SUPT3H: variants seen among roughly 807,000 people sequenced by gnomAD.
SUPT3H encodes SPT3 homolog, SAGA and STAGA complex component.
In SUPT3H, 44 loss-of-function variants were observed where a neutral mutation model predicts 44.3. The observed-to-expected ratio is 0.99, with a 90% CI of 0.78 to 1.28. The LOEUF (loss-of-function observed/expected upper bound fraction) is 1.28, where lower values mean the gene tolerates loss of function less well. SUPT3H is among the 50% of genes most tolerant of loss of function. The probability of loss-of-function intolerance (pLI) is 0.00; values close to 1 mark genes in which losing one functional copy is unlikely to be tolerated. For synonymous variants in SUPT3H, 124 were observed against 125.6 expected (o/e 0.99, Z 0.09); for missense variants, 380 against 387.1 (o/e 0.98, Z 0.15).
chr6:44,978,569 A>G (rs1296081967), intron 6 of SUPT3H, among the ~76,000 whole-genome samples: 1 of 152,228 alleles, frequency 6.6e-6, no homozygotes, highest in Non-Finnish European at 1.5e-5. Flanking sequence ...TAGATTTGCT[A>G]AACAATGAGA....
intron 2 of SUPT3H, among the ~76,000 whole-genome samples, chr6:45,280,131 C>T (rs1041521162): frequency 4.6e-5 from 7 of 152,108 alleles, no homozygotes; most frequent in African/African-American, 1.2e-4. Context: ...ATGTCTAACA[C>T]GGGAAGCCAA....
chr6:45,043,142 T>TACAGAC (rs1554218895), intron 3 of SUPT3H, among the ~76,000 whole-genome samples: 1 of 146,768 alleles, frequency 6.8e-6, no homozygotes, highest in Non-Finnish European at 1.5e-5. Context: ...CATACACACA[T>TACAGAC]ACACACACAC....
chr6:45,030,396 T>G (rs1207906669), intron 3 of SUPT3H, among the ~76,000 whole-genome samples: 1 of 152,206 alleles, frequency 6.6e-6, no homozygotes, highest in Admixed American at 6.5e-5. Flanking sequence ...CCATATTCCC[T>G]TCTGTTCACA....
At chr6:45,158,323 G>A (rs1808353189) in intron 2 of SUPT3H, among the ~76,000 whole-genome samples, 1 of 91,558 alleles carries the variant, frequency 1.1e-5, no homozygotes. Flanking sequence ...TTTTTGAGAT[G>A]GAGTCTCACT....
At chr6:45,077,340 T>C (rs1345103969) in intron 3 of SUPT3H, among the ~76,000 whole-genome samples, 1 of 152,054 alleles carries the variant, frequency 6.6e-6, no homozygotes, top group Non-Finnish European at 1.5e-5. Flanking sequence ...TAAGAAATGT[T>C]CATAGGCTGG....
In SUPT3H at chr6:45,360,887, C is replaced by T. The variant is rs58036092; in HGVS notation, c.101+4314G>A. Among the ~76,000 whole-genome samples the T allele has an allele frequency of 7.5e-3, 1,140 of 152,232 alleles. 21 individuals carry two copies. The highest frequency in any genetic ancestry group is 0.026 in the African/African-American group (1,083 of 41,538). On this transcript the variant is annotated intron_variant, in intron 2 of 10. Transcript: ENST00000371459. ...TGTACTACCATGGAATTTTTCGCATCCTATTGCATTACAAATATTTGTCTC... is the reference window on the plus strand; with the variant it reads ...TGTACTACCATGGAATTTTTCGCATTCTATTGCATTACAAATATTTGTCTC...
At chr6:45,333,107 T>C (rs1160339821) in intron 2 of SUPT3H, among the ~76,000 whole-genome samples, 1 of 151,728 alleles carries the variant, frequency 6.6e-6, no homozygotes, top group African/African-American at 2.4e-5. Flanking sequence ...ATCTGAGATG[T>C]TAGTATCTTA....
At chr6:45,350,711 C>T (rs1253336270) in intron 2 of SUPT3H, among the ~76,000 whole-genome samples, 2 of 152,110 alleles carry the variant, frequency 1.3e-5, no homozygotes, top group Non-Finnish European at 2.9e-5. Context: ...GCTTATAAAA[C>T]ACATGAAAAC....
At position 45,217,337 on chromosome 6, in the gene SUPT3H, T is replaced by A. The variant is rs549304445; in HGVS notation, c.102-111331A>T. Among the ~76,000 whole-genome samples the A allele has an allele frequency of 1.8e-3, 280 of 151,938 alleles. 1 individual carries two copies. The highest frequency in any genetic ancestry group is 6.3e-3 in the African/African-American group (259 of 41,426). ...TAAAACTACAAAAGTTAGCCAGGTG[T>A]AGCGGTGCGCGTCTGTAATCCCAGC... is the stretch of plus-strand genomic sequence containing the variant. On this transcript the variant is annotated intron_variant, in intron 2 of 10. Transcript: ENST00000371459.
At chr6:44,927,229 C>T (rs112451982) in intron 10 of SUPT3H, among the ~76,000 whole-genome samples, 67 of 152,082 alleles carry the variant, frequency 4.4e-4, no homozygotes, top group African/African-American at 1.6e-3. Context: ...AGAATAATCT[C>T]AATTTTGCTA....
chr6:44,995,902 G>T (rs1781202699), intron 6 of SUPT3H, among the ~76,000 whole-genome samples: 2 of 151,880 alleles, frequency 1.3e-5, no homozygotes, highest in Admixed American at 1.3e-4. Flanking sequence ...ATCCTCCACT[G>T]TCAGCCACTA....
intron 2 of SUPT3H, among the ~76,000 whole-genome samples, chr6:45,132,202 T>C (rs1803576071): frequency 6.6e-6 from 1 of 152,180 alleles, no homozygotes; most frequent in Non-Finnish European, 1.5e-5. Context: ...GCACTGGCAA[T>C]TCCAGAATTC....
At chr6:45,057,096 G>T (rs949415981) in intron 3 of SUPT3H, among the ~76,000 whole-genome samples, 1 of 151,918 alleles carries the variant, frequency 6.6e-6, no homozygotes, top group Non-Finnish European at 1.5e-5. Flanking sequence ...AAAACGTAAA[G>T]AATATATTAA....
At chr6:45,103,166 C>G (rs1279448923) in intron 3 of SUPT3H, among the ~76,000 whole-genome samples, 1 of 152,056 alleles carries the variant, frequency 6.6e-6, no homozygotes, top group African/African-American at 2.4e-5. Flanking sequence ...CTGACATATG[C>G]CTGGATATTG....
intron 2 of SUPT3H, among the ~76,000 whole-genome samples, chr6:45,305,825 G>A (rs1782899430): frequency 6.6e-6 from 1 of 152,128 alleles, no homozygotes; most frequent in South Asian, 2.1e-4. Flanking sequence ...GCTGCACTGG[G>A]CCCACATTTC....
intron 2 of SUPT3H, among the ~76,000 whole-genome samples, chr6:45,299,254 T>G (rs1463676581): frequency 1.3e-5 from 2 of 150,518 alleles, no homozygotes; most frequent in African/African-American, 4.9e-5. Context: ...TTGGATCACT[T>G]GAACCCAGGA....
chr6:44,905,344 C>G (rs1397732724), intron 10 of SUPT3H, among the ~76,000 whole-genome samples: 10 of 152,130 alleles, frequency 6.6e-5, no homozygotes, highest in Non-Finnish European at 1.3e-4. Context: ...ACAGCCCCAT[C>G]AAAAAGTGGG....
At chr6:44,867,819 C>A (rs1021720330) in intron 10 of SUPT3H, among the ~76,000 whole-genome samples, 6 of 152,190 alleles carry the variant, frequency 3.9e-5, no homozygotes, top group African/African-American at 1.4e-4. Context: ...GCAAGGCACT[C>A]ATTAAGCTAT....
intron 2 of SUPT3H, among the ~76,000 whole-genome samples, chr6:45,228,361 G>A (rs911950331): frequency 2.0e-5 from 3 of 152,122 alleles, no homozygotes; most frequent in African/African-American, 7.2e-5. Context: ...TAGAGCAAAA[G>A]GCTGACCCTC....
Sources: gnomAD v4.1 joint callset for allele counts (sites outside exome capture counted in the v4.1 genomes callset) on GRCh38, gnomAD v4.1.1 for gene constraint, MANE v1.5 for transcripts, NCBI Gene and HGNC (gene_info 2026-07-23, HGNC 2026-07-21) for gene names.